Variants in CNTLN observed in about 807,000 individuals in gnomAD.
CNTLN encodes centlein.
In CNTLN, 212 loss-of-function variants were observed where a neutral mutation model predicts 180.0. That is an observed-to-expected ratio of 1.18 (90% CI 1.05 to 1.32). The LOEUF (loss-of-function observed/expected upper bound fraction) is 1.32, where lower values mean the gene tolerates loss of function less well. CNTLN is among the 40% of genes most tolerant of loss of function. The pLI, the probability that CNTLN is intolerant of heterozygous loss-of-function variation, is 0.00. For missense variants in CNTLN, 2,095 were observed against 1,610.9 expected, an observed-to-expected ratio of 1.30 and a Z score of -5.14; for synonymous variants, 722 against 563.1, an observed-to-expected ratio of 1.28 and a Z score of -3.99.
chr9:17,228,291 A>G (rs1340122171), intron 3 of CNTLN, among the ~76,000 whole-genome samples: 1 of 151,796 alleles, frequency 6.6e-6, no homozygotes, highest in Non-Finnish European at 1.5e-5. Context: ...TTGAGTAGGG[A>G]TTGTTTCATT....
intron 2 of CNTLN, among the ~76,000 whole-genome samples, chr9:17,185,769 A>ATT (rs1206218679): frequency 1.0e-5 from 1 of 97,794 alleles, no homozygotes; most frequent in Non-Finnish European, 2.0e-5. Context: ...AATGTTTCCC[A>ATT]TTTGTGTGTG....
At chr9:17,460,212 C>A (rs928319254) in intron 19 of CNTLN, among the ~76,000 whole-genome samples, 1 of 151,662 alleles carries the variant, frequency 6.6e-6, no homozygotes, top group Non-Finnish European at 1.5e-5. Context: ...CACACAAGTA[C>A]TGTACATAGA....
chr9:17,219,008 G>A (rs1823950053), intron 2 of CNTLN, among the ~76,000 whole-genome samples: 2 of 152,160 alleles, frequency 1.3e-5, no homozygotes, highest in Admixed American at 1.3e-4. Context: ...GGTAATTCAT[G>A]TGGCTAAGTA....
At chr9:17,312,985 G>T (rs1419777222) in intron 8 of CNTLN, among the ~76,000 whole-genome samples, 7 of 151,870 alleles carry the variant, frequency 4.6e-5, no homozygotes, top group African/African-American at 7.3e-5. Context: ...TTTGCTTCAT[G>T]GGTTTTAAAG....
At chr9:17,526,892 G>A in the CNTLN span, among the ~76,000 whole-genome samples, 1 of 151,582 alleles carries the variant, frequency 6.6e-6, no homozygotes, top group Non-Finnish European at 1.5e-5. Context: ...ACCCAGGCTG[G>A]ATTTTGAGGC....
chr9:17,361,359 C>A (rs1823376759), intron 12 of CNTLN, among the ~76,000 whole-genome samples: 1 of 152,080 alleles, frequency 6.6e-6, no homozygotes, highest in Non-Finnish European at 1.5e-5. Flanking sequence ...TAGAATGACC[C>A]ATCTGTGTTC....
chr9:17,468,267 C>G (rs1831860740), intron 23 of CNTLN, among the ~76,000 whole-genome samples: 1 of 151,492 alleles, frequency 6.6e-6, no homozygotes, highest in Non-Finnish European at 1.5e-5. Context: ...AGGATGAGAA[C>G]TGAAAAACTA....
chr9:17,515,988 C>G, the CNTLN span, among the ~76,000 whole-genome samples: 1 of 152,168 alleles, frequency 6.6e-6, no homozygotes, highest in Non-Finnish European at 1.5e-5. Context: ...TCTTCCTCTC[C>G]TTATACTCAC....
intron 19 of CNTLN, among the ~76,000 whole-genome samples, chr9:17,459,550 A>T (rs1446459791): frequency 6.6e-6 from 1 of 151,860 alleles, no homozygotes; most frequent in African/African-American, 2.4e-5. Context: ...ACTACTAAAA[A>T]TTTTTGTTTT....
At chr9:17,433,432 C>T (rs146813357) in intron 18 of CNTLN, among the ~76,000 whole-genome samples, 1,644 of 151,868 alleles carry the variant, frequency 0.011, 19 homozygotes, top group Middle Eastern at 0.017. Flanking sequence ...TTACAGGCGC[C>T]TGCCACCATG....
At chr9:17,289,820 A>G (rs1829242918) in intron 6 of CNTLN, among the ~76,000 whole-genome samples, 1 of 140,152 alleles carries the variant, frequency 7.1e-6, no homozygotes, top group Non-Finnish European at 1.5e-5. Context: ...AGGCTTCTGC[A>G]TTGTTCACCT....
At chr9:17,383,107 A>G (rs1430966258) in intron 13 of CNTLN, among the ~76,000 whole-genome samples, 2 of 151,934 alleles carry the variant, frequency 1.3e-5, no homozygotes, top group African/African-American at 2.4e-5. Context: ...CAACATATAT[A>G]AATATATAAA....
At chr9:17,397,553 C>A (rs918338565) in intron 15 of CNTLN, among the ~76,000 whole-genome samples, 5 of 152,122 alleles carry the variant, frequency 3.3e-5, no homozygotes, top group African/African-American at 9.7e-5. Flanking sequence ...GGGTTTTCAC[C>A]GGCTTCTTTA....
intron 18 of CNTLN, among the ~76,000 whole-genome samples, chr9:17,420,872 A>G (rs1015570840): frequency 3.3e-5 from 5 of 152,128 alleles, no homozygotes; most frequent in African/African-American, 7.2e-5. Flanking sequence ...TAATTTCCAA[A>G]GTTCCTCTTG....
At chr9:17,136,584 C>T (rs1817734190) in intron 1 of CNTLN, among the ~76,000 whole-genome samples, 1 of 152,204 alleles carries the variant, frequency 6.6e-6, no homozygotes, top group African/African-American at 2.4e-5. Flanking sequence ...CAGCCTTGGC[C>T]TTCCAAAGTG....
intron 18 of CNTLN, among the ~76,000 whole-genome samples, chr9:17,430,459 G>C (rs1254699795): frequency 6.6e-6 from 1 of 151,918 alleles, no homozygotes; most frequent in Non-Finnish European, 1.5e-5. Context: ...GGGTACATGT[G>C]ATATTTTGTT....
At chr9:17,328,164 A>T (rs148256778) in intron 8 of CNTLN, among the ~76,000 whole-genome samples, 10 of 152,236 alleles carry the variant, frequency 6.6e-5, no homozygotes, top group African/African-American at 2.4e-4. Context: ...TTCTCAGTTT[A>T]TCATAGATAT....
chr9:17,518,089 C>T, the CNTLN span, among the ~76,000 whole-genome samples: 1 of 113,550 alleles, frequency 8.8e-6, no homozygotes, highest in East Asian at 3.2e-4. Context: ...GTCACCCAGG[C>T]TGGAGCACAG....
chr9:17,178,754 C>T (rs1030847181), intron 2 of CNTLN, among the ~76,000 whole-genome samples: 1 of 152,060 alleles, frequency 6.6e-6, no homozygotes, highest in Non-Finnish European at 1.5e-5. Context: ...CCAGTTCCTG[C>T]CAGCGTCTCT....
Sources: allele counts gnomAD v4.1 joint callset (sites outside exome capture counted in the v4.1 genomes callset), GRCh38; gene constraint gnomAD v4.1.1; transcripts MANE v1.5; gene names NCBI Gene and HGNC (gene_info 2026-07-23, HGNC 2026-07-21).